CDC42BPA: variants seen among roughly 807,000 people sequenced by gnomAD.
CDC42BPA encodes the protein CDC42 binding protein kinase alpha.
In CDC42BPA, 80 loss-of-function variants were observed where a neutral mutation model predicts 223.5. The observed-to-expected ratio is 0.36, with a 90% confidence interval of 0.30 to 0.43. The LOEUF (loss-of-function observed/expected upper bound fraction) is 0.43. CDC42BPA is among the 20% of genes least tolerant of loss of function. The pLI, the probability that CDC42BPA is intolerant of heterozygous loss-of-function variation, is 1.00. For missense variants in CDC42BPA, 1,743 were observed against 2,099.9 expected (o/e 0.83, Z 3.32); for synonymous variants, 694 against 718.6 (o/e 0.97, Z 0.55).
At chr1:227,066,922 G>A (rs1677210276) in intron 21 of CDC42BPA, among the ~76,000 whole-genome samples, 2 of 152,128 alleles carry the variant, frequency 1.3e-5, no homozygotes, top group African/African-American at 4.8e-5. Context: ...AGTTGTACAG[G>A]CAGGATTTGT....
chr1:227,217,337 C>G (rs1490876549), intron 2 of CDC42BPA, among the ~76,000 whole-genome samples: 2 of 151,690 alleles, frequency 1.3e-5, no homozygotes, highest in African/African-American at 2.4e-5. Flanking sequence ...GTCCCAGCTA[C>G]TAGGGAGGCT....
intron 2 of CDC42BPA, 147 bp downstream of exon 2, chr1:227,253,917 C>T (rs1322045750): frequency 1.5e-6 from 1 of 655,216 alleles, no homozygotes; most frequent in Non-Finnish European, 2.7e-6. Context: ...ATATCAATCA[C>T]AACAGCACAA....
intron 2 of CDC42BPA, among the ~76,000 whole-genome samples, chr1:227,247,091 C>A (rs1359452544): frequency 1.3e-5 from 2 of 151,676 alleles, no homozygotes; most frequent in African/African-American, 2.4e-5. Context: ...ATCCCAGCTA[C>A]TCAGCAGGCT....
intron 5 of CDC42BPA, among the ~76,000 whole-genome samples, chr1:227,163,218 A>G (rs1022652046): frequency 9.2e-5 from 14 of 151,808 alleles, no homozygotes; most frequent in African/African-American, 3.2e-4. Flanking sequence ...ATGTGTGTGT[A>G]TATATGTTTC....
chr1:227,268,168 GAAT>G (rs1685318090), intron 1 of CDC42BPA, among the ~76,000 whole-genome samples: 2 of 152,128 alleles, frequency 1.3e-5, no homozygotes, highest in African/African-American at 4.8e-5. Flanking sequence ...AGGAAATGCA[GAAT>G]AATCATGAAA....
rs188668952 is a variant in CDC42BPA at position 227,148,746 on chromosome 1, G to A, written c.694-1187C>T. 3.7e-3 allele frequency among the ~76,000 whole-genome samples: 413 copies of A among 111,002 alleles called. 3 individuals are homozygous for A. The highest frequency in any genetic ancestry group is 9.6e-3 in the East Asian group (35 of 3,642). 72.8% of individuals were successfully genotyped at this position (111,002 alleles called of 152,430 possible). On this transcript the variant is annotated intron_variant, in intron 6 of 36. Coordinates refer to ENST00000366766, the MANE Select transcript of CDC42BPA (RefSeq NM_001394014.1). ...TGCGCCACTGCACTCCAGCCTGGGC[G>A]ACAGAGCAAGACTCGGTCTCAAAAG...
At position 226,991,125 on chromosome 1, in the gene CDC42BPA, A is replaced by G. The variant is rs72762309; in HGVS notation, c.*3143T>C. 7.2e-3 allele frequency: 1,102 copies of G among 152,774 alleles called. 6 individuals carry two copies. The highest frequency in any genetic ancestry group is 0.01 in the Non-Finnish European group (682 of 68,038). The allele number at this position is 152,774 out of a possible 1,614,324, so 9.5% of individuals were successfully genotyped here. A position where few individuals can be genotyped will look rare whatever the true frequency, so the allele number is the denominator to read the frequency against. On this transcript the variant is annotated 3_prime_UTR_variant, in exon 37 of 37. Transcript: ENST00000366766. ...GTATGTAATTTTAAATACCCAAAGCACAAACATGATTAGTCAGAATTTGAG... is the reference window on the plus strand; with the variant it reads ...GTATGTAATTTTAAATACCCAAAGCGCAAACATGATTAGTCAGAATTTGAG...
chr1:227,268,860 A>AT (rs1685517531), intron 1 of CDC42BPA, among the ~76,000 whole-genome samples: 1 of 140,392 alleles, frequency 7.1e-6, no homozygotes, highest in Non-Finnish European at 1.5e-5. Context: ...TAATTTTTGT[A>AT]TTTTTTGTAG....
intron 15 of CDC42BPA, among the ~76,000 whole-genome samples, chr1:227,098,164 G>A (rs909528447): frequency 6.6e-6 from 1 of 152,100 alleles, no homozygotes; most frequent in Non-Finnish European, 1.5e-5. Flanking sequence ...AAATTTGCCT[G>A]TTATTATGCT....
At chr1:227,065,122 A>AAATAAATTAATT (rs1483796188) in intron 21 of CDC42BPA, among the ~76,000 whole-genome samples, 3 of 151,644 alleles carry the variant, frequency 2.0e-5, no homozygotes, top group Admixed American at 6.6e-5. Flanking sequence ...ATAAATAAAT[A>AAATAAATTAATT]AATTAACTCA....
rs1203487410 is a variant in CDC42BPA, at chr1:227,230,808, TTTTC to T, written c.271-17593_271-17590del. Among the ~76,000 whole-genome samples, 957 of 108,052 alleles carry T rather than the reference TTTTC, an allele frequency of 8.9e-3. 19 individuals carry two copies. The highest frequency in any genetic ancestry group is 9.2e-3 in the Non-Finnish European group (503 of 54,568). The allele number at this position is 108,052 out of a possible 152,430, so 70.9% of individuals were successfully genotyped here. A position where few individuals can be genotyped will look rare whatever the true frequency, so the allele number is the denominator to read the frequency against. ...TCCTGCTAACTGATTTCTATTTCTTTTTTCTTTCTTTCTTTTTTTTTTTTTTTTT... is the reference window on the plus strand; with the variant it reads ...TCCTGCTAACTGATTTCTATTTCTTTTTTCTTTCTTTTTTTTTTTTTTTTT... On this transcript the variant is annotated intron_variant, in intron 2 of 36. Coordinates refer to ENST00000366766, the MANE Select transcript of CDC42BPA (RefSeq NM_001394014.1).
At chr1:227,060,741 T>TTTTTTA (rs1675742251) in intron 21 of CDC42BPA, among the ~76,000 whole-genome samples, 4 of 127,526 alleles carry the variant, frequency 3.1e-5, no homozygotes, top group South Asian at 2.4e-4. Flanking sequence ...TTTTTTTTTT[T>TTTTTTA]GAGACAGAGT....
intron 11 of CDC42BPA, among the ~76,000 whole-genome samples, chr1:227,122,564 T>G (rs568616716): frequency 6.6e-6 from 1 of 152,340 alleles, no homozygotes; most frequent in Admixed American, 6.5e-5. Context: ...TTAGAGAATA[T>G]ATGTCAAATT....
intron 1 of CDC42BPA, among the ~76,000 whole-genome samples, chr1:227,297,890 C>T (rs1165071112): frequency 4.7e-5 from 7 of 150,038 alleles, no homozygotes; most frequent in African/African-American, 1.7e-4. Context: ...ATGTAATTGA[C>T]ACCACCAAAT....
intron 2 of CDC42BPA, among the ~76,000 whole-genome samples, chr1:227,226,103 T>G (rs1369388260): frequency 6.6e-6 from 1 of 152,236 alleles, no homozygotes; most frequent in African/African-American, 2.4e-5. Context: ...TAAACTCAAA[T>G]GGATTAGGAC....
chr1:227,290,374 G>A (rs954721435), intron 1 of CDC42BPA, among the ~76,000 whole-genome samples: 2 of 152,054 alleles, frequency 1.3e-5, no homozygotes, highest in Non-Finnish European at 2.9e-5. Flanking sequence ...AATTCCTTTA[G>A]GGAAGGAACC....
At chr1:227,306,794 C>T (rs878899371) in intron 1 of CDC42BPA, among the ~76,000 whole-genome samples, 2 of 152,120 alleles carry the variant, frequency 1.3e-5, no homozygotes, top group Admixed American at 6.6e-5. Context: ...TGTTTCATTG[C>T]GGGGGCTTTT....
chr1:227,123,046 T>C lies in CDC42BPA; in HGVS notation c.1514-3109A>G, dbSNP rs536068441. Among the ~76,000 whole-genome samples, 18 of 152,382 alleles carry C rather than the reference T, an allele frequency of 1.2e-4. No individual in the cohort carries two copies. In the South Asian group the frequency reaches 2.9e-3, roughly 25 times the overall value. On this transcript the variant is annotated intron_variant, in intron 11 of 36. Transcript: ENST00000366766. ...GGCCGGGCACCATGGTTCATGCCTGTAATCCTAGCACTTTGGGAGGCCGAG... is the reference window on the plus strand; with the variant it reads ...GGCCGGGCACCATGGTTCATGCCTGCAATCCTAGCACTTTGGGAGGCCGAG...
Position 227,293,399 on chromosome 1 carries a change from G to A in CDC42BPA, c.178+23606C>T, listed in dbSNP as rs979833700. ...ACCAAACTAAATCCTCAAGCTTACAGAACTTATAATGTGTTATGAGAACTG... is the reference window on the plus strand; with the variant it reads ...ACCAAACTAAATCCTCAAGCTTACAAAACTTATAATGTGTTATGAGAACTG... On this transcript the variant is annotated intron_variant, in intron 1 of 36. Transcript: ENST00000366766. 4.6e-5 allele frequency among the ~76,000 whole-genome samples: 7 copies of A among 151,730 alleles called. No homozygotes were observed. The South Asian group carries it at 1.2e-3, about 27-fold the overall frequency.
Sources: allele counts gnomAD v4.1 joint callset (sites outside exome capture counted in the v4.1 genomes callset), GRCh38; gene constraint gnomAD v4.1.1; transcripts MANE v1.5; gene names NCBI Gene and HGNC (gene_info 2026-07-23, HGNC 2026-07-21).